The following WDR70 variants were observed in gnomAD, a reference collection of about 807,000 sequenced individuals.
WDR70 encodes the protein WD repeat-containing protein 70.
A neutral mutation model predicts 88.6 loss-of-function variants in WDR70; 53 were observed. The observed-to-expected ratio is 0.60, with a 90% CI of 0.48 to 0.75. The LOEUF (loss-of-function observed/expected upper bound fraction) is 0.75. Ranked by LOEUF, WDR70 falls within the 30% of genes least tolerant of loss-of-function variation. The probability of loss-of-function intolerance (pLI) is 0.00; values close to 1 mark genes in which losing one functional copy is unlikely to be tolerated. For synonymous variants in WDR70, 280 were observed against 270.0 expected, an observed-to-expected ratio of 1.04 and a Z score of -0.36; for missense variants, 610 against 823.2, an observed-to-expected ratio of 0.74 and a Z score of 3.17.
intron 8 of WDR70, 59 bp downstream of exon 8, chr5:37,480,046 T>C: frequency 6.5e-7 from 1 of 1,545,032 alleles, no homozygotes. Flanking sequence ...TTAACAACTA[T>C]TTGAGTTATC....
At chr5:37,652,551 A>C (rs1745438607) in intron 10 of WDR70, among the ~76,000 whole-genome samples, 1 of 152,170 alleles carries the variant, frequency 6.6e-6, no homozygotes, top group African/African-American at 2.4e-5. Context: ...TTTTCACGAC[A>C]TTGATTCTTC....
chr5:37,529,884 C>T (rs1030543780), intron 9 of WDR70, among the ~76,000 whole-genome samples: 1 of 152,098 alleles, frequency 6.6e-6, no homozygotes, highest in Non-Finnish European at 1.5e-5. Flanking sequence ...GGAAAGTGGG[C>T]ATCCTTGTCT....
At position 37,415,101 on chromosome 5, in the gene WDR70, A is replaced by G. The variant is rs562673701; in HGVS notation, c.492+18531A>G. Among the ~76,000 whole-genome samples the G allele has an allele frequency of 9.8e-4, 147 of 150,430 alleles. 1 individual carries two copies. Among genetic ancestry groups the G allele is most frequent in the African/African-American group, 3.2e-3 (129 of 40,942 alleles). On this transcript the variant is annotated intron_variant, in intron 5 of 17. Coordinates refer to ENST00000265107, the MANE Select transcript of WDR70 (RefSeq NM_018034.4). ...TTTCAGAGAGCACAGGGTTGGGGGTAAGGTCATAGATCAACAGGATCCCAA... is the reference window on the plus strand; with the variant it reads ...TTTCAGAGAGCACAGGGTTGGGGGTGAGGTCATAGATCAACAGGATCCCAA...
chr5:37,574,293 G>A (rs1742994301), intron 9 of WDR70, among the ~76,000 whole-genome samples: 1 of 152,148 alleles, frequency 6.6e-6, no homozygotes, highest in South Asian at 2.1e-4. Flanking sequence ...AGATCCTAAG[G>A]TGTTAACAGG....
intron 9 of WDR70, among the ~76,000 whole-genome samples, chr5:37,558,511 A>G (rs943707579): frequency 6.6e-6 from 1 of 150,906 alleles, no homozygotes; most frequent in Admixed American, 6.6e-5. Context: ...TTTTTTTTAG[A>G]GATAGGGTTT....
chr5:37,424,968 G>T (rs1750075847), intron 5 of WDR70, among the ~76,000 whole-genome samples: 1 of 152,214 alleles, frequency 6.6e-6, no homozygotes, highest in African/African-American at 2.4e-5. Flanking sequence ...TAAAGGCTGG[G>T]TGCGGTGGCT....
intron 7 of WDR70, among the ~76,000 whole-genome samples, chr5:37,469,276 A>G (rs13188940): frequency 0.86 from 130,496 of 152,096 alleles, 59,453 homozygotes; most frequent in East Asian, 1. Context: ...CTACCCGAAA[A>G]GCATCCTGCT....
chr5:37,397,701 G>A lies in WDR70; in HGVS notation c.492+1131G>A, dbSNP rs528108492. 2.6e-5 allele frequency among the ~76,000 whole-genome samples: 4 copies of A among 152,232 alleles called. No homozygotes were observed. In the South Asian group the frequency reaches 8.3e-4, roughly 32 times the overall value. ...CAAGTATATAAGTTTACAATTTTAA[G>A]AGTAATTGCCCGGCAGGGCATAGTG... On this transcript the variant is annotated intron_variant, in intron 5 of 17. Coordinates refer to ENST00000265107, the MANE Select transcript of WDR70 (RefSeq NM_018034.4).
At position 37,592,591 on chromosome 5, in the gene WDR70, T is replaced by C. The variant is rs570920393; in HGVS notation, c.918-12473T>C. 5.3e-5 allele frequency among the ~76,000 whole-genome samples: 8 copies of C among 152,350 alleles called. No homozygotes were observed. The East Asian group carries it at 1.5e-3, about 29-fold the overall frequency. ...GTGTGTTGTGTACATGCATTTTGATTGCGACCCATCACATGAAATCAGGTA... is the reference window on the plus strand; with the variant it reads ...GTGTGTTGTGTACATGCATTTTGATCGCGACCCATCACATGAAATCAGGTA... On this transcript the variant is annotated intron_variant, in intron 9 of 17. Transcript: ENST00000265107.
chr5:37,635,925 T>TC (rs1350719022), intron 10 of WDR70, among the ~76,000 whole-genome samples: 3 of 152,054 alleles, frequency 2.0e-5, no homozygotes, highest in African/African-American at 7.2e-5. Context: ...TAAGGGGCTT[T>TC]CCCCCCTCTT....
At chr5:37,651,210 G>A (rs1343607717) in intron 10 of WDR70, among the ~76,000 whole-genome samples, 1 of 152,078 alleles carries the variant, frequency 6.6e-6, no homozygotes, top group African/African-American at 2.4e-5. Flanking sequence ...AGAACATGCG[G>A]TGTTTGGTTT....
At chr5:37,572,153 A>G (rs1742922512) in intron 9 of WDR70, among the ~76,000 whole-genome samples, 1 of 152,088 alleles carries the variant, frequency 6.6e-6, no homozygotes, top group South Asian at 2.1e-4. Context: ...ATTAATACAC[A>G]TGGCCAGATT....
intron 8 of WDR70, among the ~76,000 whole-genome samples, chr5:37,508,985 TCTTC>T (rs1161298590): frequency 2.6e-5 from 4 of 152,178 alleles, no homozygotes; most frequent in East Asian, 1.9e-4. Context: ...CTATTCGAGT[TCTTC>T]CTTCCTTTAA....
chr5:37,626,971 CT>C (rs1378554182), intron 10 of WDR70, among the ~76,000 whole-genome samples: 1 of 152,064 alleles, frequency 6.6e-6, no homozygotes, highest in Non-Finnish European at 1.5e-5. Context: ...GACATATCCT[CT>C]TCCGTTTATG....
intron 15 of WDR70, chr5:37,723,742 A>G (rs781351371): frequency 6.6e-6 from 1 of 152,160 alleles, no homozygotes; most frequent in Non-Finnish European, 1.5e-5. Context: ...ACTTTTTGCA[A>G]GAGTAGAAGT....
At chr5:37,721,283 C>A in intron 14 of WDR70, 68 bp downstream of exon 14, 2 of 1,374,436 alleles carry the variant, frequency 1.5e-6, no homozygotes, top group Non-Finnish European at 2.1e-6. Flanking sequence ...CCCTCCCACC[C>A]CCGCTTTTAT....
At chr5:37,503,350 A>C (rs1382769401) in intron 8 of WDR70, among the ~76,000 whole-genome samples, 1 of 151,892 alleles carries the variant, frequency 6.6e-6, no homozygotes. Flanking sequence ...TGGTTGTACA[A>C]ATTATTTCAT....
intron 7 of WDR70, among the ~76,000 whole-genome samples, chr5:37,444,424 T>C (rs1738396825): frequency 6.9e-6 from 1 of 144,582 alleles, no homozygotes; most frequent in African/African-American, 2.5e-5. Flanking sequence ...CTGCAACCTC[T>C]GCTTCTTGGG....
chr5:37,626,326 A>G (rs1417496689), intron 10 of WDR70, among the ~76,000 whole-genome samples: 3 of 152,304 alleles, frequency 2.0e-5, no homozygotes, highest in Admixed American at 6.5e-5. Flanking sequence ...TCATGAAACG[A>G]TGTTGAATTT....
Sources: allele counts gnomAD v4.1 joint callset (sites outside exome capture counted in the v4.1 genomes callset), GRCh38; gene constraint gnomAD v4.1.1; transcripts MANE v1.5; gene names NCBI Gene and HGNC (gene_info 2026-07-23, HGNC 2026-07-21).